Variants in PTPN13 observed in about 807,000 individuals in gnomAD.
PTPN13 encodes the protein protein tyrosine phosphatase non-receptor type 13.
In PTPN13, 191 loss-of-function variants were observed where a neutral mutation model predicts 284.0. That is an observed-to-expected ratio of 0.67 (90% CI 0.60 to 0.76). PTPN13 has a LOEUF of 0.76. Among genes scored for constraint, PTPN13 ranks in the 30% least tolerant of loss-of-function variants. The pLI, the probability that PTPN13 is intolerant of heterozygous loss-of-function variation, is 0.00. For synonymous variants in PTPN13, 986 were observed against 1,022.3 expected (o/e 0.96, Z 0.68); for missense variants, 2,797 against 2,939.9 (o/e 0.95, Z 1.12).
intron 7 of PTPN13, among the ~76,000 whole-genome samples, chr4:86,706,699 A>G (rs1290557034): frequency 6.6e-6 from 1 of 152,214 alleles, no homozygotes; most frequent in Non-Finnish European, 1.5e-5. Flanking sequence ...TCAAGAAAGA[A>G]ATTGTAGTTG....
intron 1 of PTPN13, among the ~76,000 whole-genome samples, chr4:86,619,777 C>G (rs1721008701): frequency 6.7e-6 from 1 of 150,352 alleles, no homozygotes; most frequent in Non-Finnish European, 1.5e-5. Context: ...TTTTTTTTTC[C>G]CCCAATACTT....
intron 16 of PTPN13, 63 bp downstream of exon 16, chr4:86,741,879 A>C (rs190036631): frequency 2.2e-6 from 3 of 1,391,896 alleles, no homozygotes; most frequent in Admixed American, 4.4e-5. Context: ...CCAATGTAAC[A>C]TATTAACAGA....
intron 47 of PTPN13, among the ~76,000 whole-genome samples, chr4:86,812,436 T>C (rs1391596769): frequency 6.6e-6 from 1 of 151,198 alleles, no homozygotes; most frequent in Non-Finnish European, 1.5e-5. Flanking sequence ...TGGAAGACCA[T>C]AGACATGTTA....
rs1363826761 is a variant in PTPN13 at position 86,751,201 on chromosome 4, C to G, written c.3166+77C>G. 45 of 1,108,716 alleles carry G rather than the reference C, an allele frequency of 4.1e-5. No individual in the cohort carries two copies. The East Asian group carries it at 1.0e-3, about 25-fold the overall frequency. The allele number at this position is 1,108,716 out of a possible 1,614,324, so 68.7% of individuals were successfully genotyped here. On this transcript the variant is annotated intron_variant, in intron 19 of 47. Coordinates refer to ENST00000411767, the MANE Select transcript of PTPN13 (RefSeq NM_080683.3). ...AAGTGAACAAGATCATCTTAATTAT[C>G]AAATTATTTTGGGTTCCATGTCCTA... is the stretch of plus-strand genomic sequence containing the variant.
At chr4:86,759,971 T>A (rs1044174757) in intron 23 of PTPN13, among the ~76,000 whole-genome samples, 1 of 152,100 alleles carries the variant, frequency 6.6e-6, no homozygotes, top group Non-Finnish European at 1.5e-5. Context: ...GTAAAAAAAA[T>A]TAGCTGAAAA....
At chr4:86,805,038 A>T (rs1744501990) in intron 43 of PTPN13, among the ~76,000 whole-genome samples, 1 of 152,206 alleles carries the variant, frequency 6.6e-6, no homozygotes, top group South Asian at 2.1e-4. Flanking sequence ...AAAAATTAAG[A>T]CACAAAGTTC....
intron 7 of PTPN13, among the ~76,000 whole-genome samples, chr4:86,704,045 G>A (rs548468801): frequency 1.3e-5 from 2 of 152,184 alleles, no homozygotes; most frequent in South Asian, 2.1e-4. Flanking sequence ...AGGCATGGTG[G>A]TGCATGCCTG....
In PTPN13 at chr4:86,672,524, C is replaced by A; in HGVS notation, c.275C>A (p.Ser92Tyr). The A allele has an allele frequency of 6.2e-7, 1 of 1,605,478 alleles. No individual in the cohort carries two copies. Residue 92 changes from serine to tyrosine, a missense_variant, in exon 3 of 48, where the codon TCT becomes TAT. Coordinates refer to ENST00000411767, the MANE Select transcript of PTPN13 (RefSeq NM_080683.3). ...GTTCTTCAAAATCAGTCACTAACTT[C>A]TCTCTCAGATGTTGAAAAGGTAACT... ...PEVLQNQSLTSLSDVEKIHIY... is the reference protein window; with the variant it reads ...PEVLQNQSLTYLSDVEKIHIY...
In PTPN13 at chr4:86,775,572, C is replaced by G; in HGVS notation, c.5811C>G (p.Val1937=). 1 of 1,613,616 alleles carries G rather than the reference C, an allele frequency of 6.2e-7. No individual in the cohort carries two copies. The highest frequency in any genetic ancestry group is 8.5e-7 in the Non-Finnish European group (1 of 1,179,748). The part of the protein sequence containing the change: ...LLDVIHYVNG[V]STQGMTLEEV... ...ATGTCATCCATTATGTGAACGGAGT[C>G]AGCACACAAGGAATGACCTTGGAGG... Residue 1937 remains valine (V), a synonymous_variant, in exon 35 of 48, where the codon GTC becomes GTG. Coordinates refer to ENST00000411767, the MANE Select transcript of PTPN13 (RefSeq NM_080683.3).
intron 1 of PTPN13, among the ~76,000 whole-genome samples, chr4:86,610,544 C>T (rs1394440791): frequency 1.3e-5 from 2 of 152,238 alleles, no homozygotes; most frequent in African/African-American, 4.8e-5. Context: ...GTGATGAAAA[C>T]TGTAGTGAAC....
chr4:86,658,829 C>G (rs373149936), intron 2 of PTPN13, among the ~76,000 whole-genome samples: 1 of 151,844 alleles, frequency 6.6e-6, no homozygotes, highest in Non-Finnish European at 1.5e-5. Flanking sequence ...AAATTCTACA[C>G]GTAGATTAAT....
chr4:86,635,222 C>T (rs1252335219), intron 1 of PTPN13, 30 bp from the exon 2 acceptor site: 3 of 1,563,316 alleles, frequency 1.9e-6, no homozygotes, highest in Non-Finnish European at 2.6e-6. Flanking sequence ...GTTGCTGATG[C>T]ATAGACCATC....
At chr4:86,758,595 A>C in intron 21 of PTPN13, 83 bp from the exon 22 acceptor site, 1 of 1,204,434 alleles carries the variant, frequency 8.3e-7, no homozygotes, top group South Asian at 1.3e-5. Flanking sequence ...AATAGTCCCC[A>C]CATTTCTGTG....
Position 86,759,022 on chromosome 4 carries a change from C to A in PTPN13, c.3502C>A (p.Pro1168Thr), listed in dbSNP as rs1215805148. Residue 1168 changes from proline (P) to threonine (T), a missense_variant, in exon 23 of 48, where the codon CCT (proline) becomes ACT (threonine). Transcript: ENST00000411767. ...HAAIEILQNAPEDVTLVISQP... is the reference protein window; with the variant it reads ...HAAIEILQNATEDVTLVISQP... ...TGCAATTGAAATTTTGCAAAATGCA[C>A]CTGAAGATGTGACACTTGTTATCTC... 1.9e-6 allele frequency: 3 copies of A among 1,613,642 alleles called. No individual in the cohort carries two copies. Among genetic ancestry groups the A allele is most frequent in the Non-Finnish European group, 2.5e-6 (3 of 1,179,702 alleles).
chr4:86,707,458 T>G (rs1174517511), intron 7 of PTPN13, among the ~76,000 whole-genome samples: 1 of 152,178 alleles, frequency 6.6e-6, no homozygotes, highest in Admixed American at 6.5e-5. Flanking sequence ...AACACTCAAG[T>G]ATGGGAACCC....
intron 3 of PTPN13, among the ~76,000 whole-genome samples, chr4:86,679,050 C>T (rs1306810796): frequency 1.3e-5 from 2 of 152,304 alleles, no homozygotes; most frequent in Admixed American, 6.5e-5. Context: ...CCTTCAAGTT[C>T]GTACTGTATT....
At chr4:86,803,339 C>T (rs1439490676) in intron 42 of PTPN13, among the ~76,000 whole-genome samples, 3 of 151,588 alleles carry the variant, frequency 2.0e-5, no homozygotes, top group East Asian at 3.9e-4. Context: ...GTCTGTTATC[C>T]CAGCACTTGG....
intron 9 of PTPN13, among the ~76,000 whole-genome samples, chr4:86,719,039 C>T (rs773071200): frequency 5.9e-5 from 9 of 152,008 alleles, no homozygotes; most frequent in Non-Finnish European, 1.0e-4. Context: ...TATATAAACA[C>T]GTGACAGGGG....
intron 6 of PTPN13, among the ~76,000 whole-genome samples, chr4:86,693,897 T>C (rs773160580): frequency 7.2e-5 from 11 of 152,074 alleles, no homozygotes; most frequent in Non-Finnish European, 1.6e-4. Flanking sequence ...ATTCCCAGAG[T>C]AACTTATTTC....
Sources: gnomAD v4.1 joint callset for allele counts (sites outside exome capture counted in the v4.1 genomes callset) on GRCh38, gnomAD v4.1.1 for gene constraint, MANE v1.5 for transcripts, NCBI Gene and HGNC (gene_info 2026-07-23, HGNC 2026-07-21) for gene names.